Variants in RALGPS2 observed in about 807,000 individuals in gnomAD.
RALGPS2 encodes Ral GEF with PH domain and SH3 binding motif 2.
In RALGPS2, 43 loss-of-function variants were observed where a neutral mutation model predicts 86.8. The ratio of observed to expected loss-of-function variants is 0.50; its 90% CI spans 0.39 to 0.64. The LOEUF (loss-of-function observed/expected upper bound fraction) is 0.64, where lower values mean the gene tolerates loss of function less well. RALGPS2 is among the 30% of genes least tolerant of loss of function. The probability of loss-of-function intolerance (pLI) is 0.00; values close to 1 mark genes in which losing one functional copy is unlikely to be tolerated. For synonymous variants in RALGPS2, 243 were observed against 231.3 expected (o/e 1.05, Z -0.46); for missense variants, 536 against 694.6 (o/e 0.77, Z 2.57).
At chr1:178,821,522 G>C in intron 6 of RALGPS2, 90 bp from the exon 7 acceptor site, 5 of 933,334 alleles carry the variant, frequency 5.4e-6, no homozygotes, top group Non-Finnish European at 8.5e-6. Context: ...AACACTACCA[G>C]TTGCCAAGAT....
At position 178,885,946 on chromosome 1, in the gene RALGPS2, T is replaced by C. The variant is rs373016460; in HGVS notation, c.1041-23T>C. ...AAATTAGTAACAATAATAAAAGATA[T>C]GAACTTTTTTTTCTGTTTCTAGTTT... On this transcript the variant is annotated intron_variant, in intron 12 of 19. Transcript: ENST00000367635. The C allele has an allele frequency of 2.2e-5, 34 of 1,547,648 alleles. 2 individuals are homozygous for C. The highest frequency in any genetic ancestry group is 9.0e-5 in the East Asian group (4 of 44,212).
intron 8 of RALGPS2, chr1:178,865,210 T>C (rs149738698): frequency 5.7e-4 from 928 of 1,614,026 alleles, no homozygotes; most frequent in Non-Finnish European, 7.6e-4. Context: ...TCATCACAGA[T>C]TGGTTATTGA....
At chr1:178,805,425 G>A (rs1478445947) in intron 4 of RALGPS2, among the ~76,000 whole-genome samples, 3 of 151,474 alleles carry the variant, frequency 2.0e-5, no homozygotes, top group African/African-American at 4.9e-5. Context: ...TAACGTTTAA[G>A]TCTTTAATCC....
chr1:178,916,368 G>A lies in RALGPS2; in HGVS notation c.*9G>A. The A allele has an allele frequency of 1.3e-6, 2 of 1,596,836 alleles. No homozygotes were observed. Among genetic ancestry groups the A allele is most frequent in the Admixed American group, 1.7e-5 (1 of 59,466 alleles). ...TGATGACTTTTGAGTAGAAGCCTGAGAAAAAAAGAGAGGTGAACTGTTGCT... is the reference window on the plus strand; with the variant it reads ...TGATGACTTTTGAGTAGAAGCCTGAAAAAAAAAGAGAGGTGAACTGTTGCT... On this transcript the variant is annotated 3_prime_UTR_variant, in exon 20 of 20. Transcript: ENST00000367635.
At chr1:178,855,974 AAAG>A (rs1239190826) in intron 8 of RALGPS2, among the ~76,000 whole-genome samples, 2 of 148,808 alleles carry the variant, frequency 1.3e-5, no homozygotes, top group African/African-American at 4.9e-5. Context: ...TAAGAACAAA[AAAG>A]TAATATATAT....
chr1:178,869,575 G>A (rs1053169780), intron 8 of RALGPS2, among the ~76,000 whole-genome samples: 4 of 152,086 alleles, frequency 2.6e-5, no homozygotes, highest in African/African-American at 7.2e-5. Context: ...AGAGATGACA[G>A]TATTTCAGAT....
chr1:178,913,159 G>C (rs757670179), intron 19 of RALGPS2, among the ~76,000 whole-genome samples: 4 of 152,064 alleles, frequency 2.6e-5, no homozygotes, highest in African/African-American at 9.7e-5. Flanking sequence ...GTGCATACCT[G>C]TAGTCCCAGC....
intron 1 of RALGPS2, among the ~76,000 whole-genome samples, chr1:178,738,401 G>C (rs1172360005): frequency 6.6e-6 from 1 of 151,662 alleles, no homozygotes; most frequent in Non-Finnish European, 1.5e-5. Context: ...TAGAGACAGA[G>C]TTTCACCATG....
At chr1:178,725,803 C>G (rs947057595) in intron 1 of RALGPS2, 19 of 152,476 alleles carry the variant, frequency 1.2e-4, no homozygotes, top group African/African-American at 3.4e-4. Context: ...GCGCCTCAGT[C>G]TTCCTTCAGG....
At chr1:178,829,578 A>G (rs182628131) in intron 7 of RALGPS2, among the ~76,000 whole-genome samples, 522 of 152,206 alleles carry the variant, frequency 3.4e-3, no homozygotes, top group Non-Finnish European at 5.6e-3. Flanking sequence ...TCATGGAAAA[A>G]TTGTCGCTGG....
intron 8 of RALGPS2, among the ~76,000 whole-genome samples, chr1:178,862,712 G>A (rs1256318499): frequency 1.3e-5 from 2 of 152,146 alleles, no homozygotes; most frequent in East Asian, 1.9e-4. Context: ...GGGAAAATGA[G>A]TGAATTTGTT....
rs1467554759 is a variant in RALGPS2 at position 178,889,599 on chromosome 1, G to A, written c.1193-43G>A. 9.3e-6 allele frequency: 12 copies of A among 1,287,008 alleles called. No individual in the cohort carries two copies. The East Asian group carries it at 1.4e-4, about 15-fold the overall frequency. The allele number at this position is 1,287,008 out of a possible 1,614,324, so 79.7% of individuals were successfully genotyped here. A position where few individuals can be genotyped will look rare whatever the true frequency, so the allele number is the denominator to read the frequency against. The stretch of plus-strand genomic sequence containing the variant: ...TACATTGTGAAATGCAAACTAGAGA[G>A]GTAATTCTGATGTTTAAAAAATAGG... On this transcript the variant is annotated intron_variant, in intron 13 of 19. Transcript: ENST00000367635.
chr1:178,812,928 C>CT (rs397844555), intron 6 of RALGPS2, among the ~76,000 whole-genome samples: 4,045 of 106,804 alleles, frequency 0.038, 275 homozygotes, highest in African/African-American at 0.13. Flanking sequence ...TAGGTAAATA[C>CT]TTTTTTTTTT....
At chr1:178,820,084 CACTT>C (rs1408353242) in intron 6 of RALGPS2, among the ~76,000 whole-genome samples, 1 of 152,218 alleles carries the variant, frequency 6.6e-6, no homozygotes, top group East Asian at 1.9e-4. Context: ...AAATCAAACA[CACTT>C]AATATTTTTG....
Position 178,919,314 on chromosome 1 carries a change from A to G in RALGPS2, c.*2955A>G, listed in dbSNP as rs575389528. The stretch of plus-strand genomic sequence containing the variant: ...TCCCTAGGCATGTGCTTCAATTTCA[A>G]ATATTTTTTTCTGTGTGGAAAATGC... On this transcript the variant is annotated 3_prime_UTR_variant, in exon 20 of 20. Coordinates refer to ENST00000367635, the MANE Select transcript of RALGPS2 (RefSeq NM_152663.5). 7.6e-4 allele frequency: 116 copies of G among 152,136 alleles called. No homozygotes were observed. Among genetic ancestry groups the G allele is most frequent in the Middle Eastern group, 3.4e-3 (1 of 294 alleles). The allele number at this position is 152,136 out of a possible 1,614,324, so 9.4% of individuals were successfully genotyped here.
chr1:178,877,432 C>A, intron 8 of RALGPS2, 66 bp from the exon 9 acceptor site: 1 of 1,593,186 alleles, frequency 6.3e-7, no homozygotes, highest in Non-Finnish European at 8.5e-7. Flanking sequence ...CCCTTCCCCC[C>A]TTTTCTTTGT....
intron 6 of RALGPS2, among the ~76,000 whole-genome samples, chr1:178,818,739 C>G (rs986923939): frequency 2.6e-5 from 4 of 152,192 alleles, no homozygotes. Context: ...CTTTGCCTAG[C>G]CTTGTAGAGA....
chr1:178,733,176 C>G (rs892066024), intron 1 of RALGPS2, among the ~76,000 whole-genome samples: 1 of 152,066 alleles, frequency 6.6e-6, no homozygotes, highest in African/African-American at 2.4e-5. Context: ...GAGGCAAAGG[C>G]TTTTTAAACC....
intron 4 of RALGPS2, among the ~76,000 whole-genome samples, chr1:178,789,481 G>A (rs539920708): frequency 1.3e-5 from 2 of 152,314 alleles, no homozygotes; most frequent in South Asian, 4.1e-4. Context: ...AACTCCTGGG[G>A]CTGCTATTCA....
Sources: gnomAD v4.1 joint callset for allele counts (sites outside exome capture counted in the v4.1 genomes callset) on GRCh38, gnomAD v4.1.1 for gene constraint, MANE v1.5 for transcripts, NCBI Gene and HGNC (gene_info 2026-07-23, HGNC 2026-07-21) for gene names.